Variants in CCDC158 observed in about 807,000 individuals in gnomAD.
CCDC158 encodes the protein coiled-coil domain-containing protein 158.
Under a neutral mutation model 138.6 loss-of-function variants are expected in CCDC158, and 116 were observed. The observed-to-expected ratio is 0.84, with a 90% CI of 0.72 to 0.98. The LOEUF (loss-of-function observed/expected upper bound fraction) is 0.98, where lower values mean the gene tolerates loss of function less well. Among genes scored for constraint, CCDC158 ranks in the 50% least tolerant of loss-of-function variants. CCDC158 has a pLI of 0.00. For missense variants in CCDC158, 1,265 were observed against 1,306.1 expected (o/e 0.97, Z 0.48); for synonymous variants, 436 against 442.4 (o/e 0.99, Z 0.18).
intron 18 of CCDC158, among the ~76,000 whole-genome samples, chr4:76,347,326 C>A (rs1483365871): frequency 1.3e-5 from 2 of 152,036 alleles, no homozygotes; most frequent in African/African-American, 2.4e-5. Context: ...TAGACTTTAT[C>A]CAGTCTATCC....
At chr4:76,336,470 C>T (rs1032625820) in intron 18 of CCDC158, among the ~76,000 whole-genome samples, 2 of 152,124 alleles carry the variant, frequency 1.3e-5, no homozygotes, top group African/African-American at 4.8e-5. Context: ...TGGTTCTAGT[C>T]CAACTCCCAT....
At chr4:76,378,169 G>A (rs10004697) in intron 9 of CCDC158, among the ~76,000 whole-genome samples, 4,473 of 152,202 alleles carry the variant, frequency 0.029, 220 homozygotes, top group African/African-American at 0.1. Flanking sequence ...CCATGCGCGA[G>A]CCAAGTAGAA....
chr4:76,407,933 G>C (rs1728963943), intron 2 of CCDC158, among the ~76,000 whole-genome samples: 1 of 152,098 alleles, frequency 6.6e-6, no homozygotes, highest in African/African-American at 2.4e-5. Context: ...CACTATGAAT[G>C]CTTGTGTTAT....
At chr4:76,364,230 C>A (rs1411210999) in intron 12 of CCDC158, among the ~76,000 whole-genome samples, 1 of 152,162 alleles carries the variant, frequency 6.6e-6, no homozygotes, top group South Asian at 2.1e-4. Flanking sequence ...CCCTCATACC[C>A]AATTGTTGAT....
chr4:76,334,300 G>T, intron 18 of CCDC158, 133 bp from the exon 19 acceptor site: 1 of 710,854 alleles, frequency 1.4e-6, no homozygotes, highest in Non-Finnish European at 2.3e-6. Context: ...TCACCCACAA[G>T]CTTATTACAC....
At chr4:76,413,078 A>G (rs1411508947) in intron 1 of CCDC158, among the ~76,000 whole-genome samples, 1 of 152,008 alleles carries the variant, frequency 6.6e-6, no homozygotes, top group Non-Finnish European at 1.5e-5. Context: ...TGGGTAGAGA[A>G]ACTTCTGTCT....
At chr4:76,349,005 G>C (rs1248424009) in intron 18 of CCDC158, among the ~76,000 whole-genome samples, 3 of 152,078 alleles carry the variant, frequency 2.0e-5, no homozygotes, top group Admixed American at 2.0e-4. Context: ...GCACATCTAG[G>C]CACATGATAG....
intron 4 of CCDC158, among the ~76,000 whole-genome samples, chr4:76,388,430 G>A (rs1285125137): frequency 2.0e-5 from 3 of 152,128 alleles, no homozygotes; most frequent in Non-Finnish European, 4.4e-5. Context: ...GGCTTTAAGT[G>A]AACATCAGTG....
chr4:76,398,330 G>T (rs1483823756), intron 3 of CCDC158, among the ~76,000 whole-genome samples: 2 of 152,142 alleles, frequency 1.3e-5, no homozygotes, highest in East Asian at 3.8e-4. Flanking sequence ...CTTTCAATTA[G>T]TGGGATGTGG....
chr4:76,385,171 C>T (rs1360660275), intron 4 of CCDC158, among the ~76,000 whole-genome samples: 2 of 152,118 alleles, frequency 1.3e-5, no homozygotes, highest in South Asian at 4.1e-4. Context: ...TGATGCCATA[C>T]CTAATCCTCC....
At position 76,396,363 on chromosome 4, in the gene CCDC158, C is replaced by T; in HGVS notation, c.194G>A (p.Arg65Lys). The change falls in exon 4 of 25, where the codon AGA becomes AAA. Residue 65 changes from arginine to lysine, a missense_variant. Transcript: ENST00000682701. The part of the protein sequence containing the change: ...PKYEVELDSP[R>K]KIIPSPGKEH... ...CTTTCCAGGAGATGGGATGATTTTTCTAGGAGAATCAAGTTCCACTTCATA... is the reference window on the plus strand; with the variant it reads ...CTTTCCAGGAGATGGGATGATTTTTTTAGGAGAATCAAGTTCCACTTCATA... 1 of 1,613,832 alleles carries T rather than the reference C, an allele frequency of 6.2e-7. No homozygotes were observed. The highest frequency in any genetic ancestry group is 8.5e-7 in the Non-Finnish European group (1 of 1,179,846).
Position 76,323,412 on chromosome 4 carries a change from A to T in CCDC158, c.3170-3T>A, listed in dbSNP as rs202223106. On this transcript the variant is annotated splice_region_variant and splice_polypyrimidine_tract_variant and intron_variant, in intron 23 of 24. Transcript: ENST00000682701. ...TTCTATTGGCGGAGACTGTGAATCT[A>T]TTAGAAAATTGCTTAGATGTGATAT... 1 of 1,603,562 alleles carries T rather than the reference A, an allele frequency of 6.2e-7. No individual in the cohort carries two copies.
intron 4 of CCDC158, among the ~76,000 whole-genome samples, chr4:76,390,198 T>C (rs1727187125): frequency 6.6e-6 from 1 of 152,124 alleles, no homozygotes; most frequent in Non-Finnish European, 1.5e-5. Flanking sequence ...AAAAGTTAAA[T>C]AGTGGGGGCA....
In CCDC158 at chr4:76,349,803, AAAATCTAATAGATTTTGG is replaced by A. The variant is rs1722890104; in HGVS notation, c.2664+1175_2664+1192del. The stretch of plus-strand genomic sequence containing the variant: ...CAATCTATATATTAAGCTGCTAGGA[AAAATCTAATAGATTTTGG>A]GTAATTAAAAATCACAGAATTTCAG... On this transcript the variant is annotated intron_variant, in intron 18 of 24. Transcript: ENST00000682701. 2.0e-5 allele frequency among the ~76,000 whole-genome samples: 3 copies of A among 152,248 alleles called. No individual in the cohort carries two copies. In the South Asian group the frequency reaches 6.2e-4, roughly 32 times the overall value.
rs758087871 is a variant in CCDC158 at position 76,369,557 on chromosome 4, G to C, written c.1216C>G (p.Arg406Gly). ...ATGGTGATGCTGTTGCCTGTGTCTC[G>C]GTCCCACAGACGCTTATTCTGCTCC... ...EKEQNKRLWDRDTGNSITIDH... is the reference protein window; with the variant it reads ...EKEQNKRLWDGDTGNSITIDH... Residue 406 changes from arginine to glycine, a missense_variant, in exon 11 of 25, where the codon CGA becomes GGA. Transcript: ENST00000682701. 1 of 1,614,052 alleles carries C rather than the reference G, an allele frequency of 6.2e-7. No homozygotes were observed. Among genetic ancestry groups the C allele is most frequent in the Admixed American group, 1.7e-5 (1 of 60,006 alleles).
intron 1 of CCDC158, among the ~76,000 whole-genome samples, chr4:76,412,342 G>A (rs966914185): frequency 5.9e-5 from 9 of 152,202 alleles, no homozygotes; most frequent in African/African-American, 2.2e-4. Context: ...GCCAGGCATG[G>A]TGGCTAATAC....
intron 9 of CCDC158, among the ~76,000 whole-genome samples, chr4:76,374,338 A>C (rs561905390): frequency 1.3e-5 from 2 of 152,336 alleles, no homozygotes; most frequent in African/African-American, 4.8e-5. Flanking sequence ...ATCAGTACAC[A>C]CTTAGTAAAT....
At chr4:76,376,138 C>T (rs1016160388) in intron 9 of CCDC158, among the ~76,000 whole-genome samples, 1 of 151,996 alleles carries the variant, frequency 6.6e-6, no homozygotes, top group Non-Finnish European at 1.5e-5. Flanking sequence ...ATTGCAGCCT[C>T]AATCTCTCAG....
chr4:76,399,457 A>G (rs188050888), intron 3 of CCDC158, among the ~76,000 whole-genome samples: 189 of 152,278 alleles, frequency 1.2e-3, no homozygotes, highest in African/African-American at 4.4e-3. Flanking sequence ...GCATCCCAGA[A>G]CTTAAAATTA....
Sources: allele counts gnomAD v4.1 joint callset (sites outside exome capture counted in the v4.1 genomes callset), GRCh38; gene constraint gnomAD v4.1.1; transcripts MANE v1.5; gene names NCBI Gene and HGNC (gene_info 2026-07-23, HGNC 2026-07-21).